FGF14: variants seen among roughly 807,000 people sequenced by gnomAD.
FGF14 encodes fibroblast growth factor homologous factor 4.
A neutral mutation model predicts 25.5 loss-of-function variants in FGF14; 5 were observed. That is an observed-to-expected ratio of 0.20 (90% CI 0.10 to 0.41). The LOEUF (loss-of-function observed/expected upper bound fraction) is 0.41. Among genes scored for constraint, FGF14 ranks in the 10% least tolerant of loss-of-function variants. FGF14 has a pLI of 1.00. For synonymous variants in FGF14, 138 were observed against 118.3 expected (o/e 1.17, Z -1.08); for missense variants, 222 against 320.1 (o/e 0.69, Z 2.34).
At chr13:101,774,400 G>C (rs2038970220) in intron 3 of FGF14, among the ~76,000 whole-genome samples, 1 of 152,164 alleles carries the variant, frequency 6.6e-6, no homozygotes, top group African/African-American at 2.4e-5. Context: ...GAGGCTTAAA[G>C]CCTAGAGCAG....
chr13:102,211,135 AAAGGGAACAACAT>A (rs1011051047), intron 1 of FGF14, among the ~76,000 whole-genome samples: 50 of 152,246 alleles, frequency 3.3e-4, no homozygotes, highest in African/African-American at 1.2e-3. Flanking sequence ...TTATAATGCA[AAAGGGAACAACAT>A]AAAAATCACT....
chr13:102,169,672 C>T (rs959479066), intron 1 of FGF14, among the ~76,000 whole-genome samples: 3 of 151,844 alleles, frequency 2.0e-5, no homozygotes, highest in African/African-American at 7.3e-5. Flanking sequence ...TTTTTTGTTT[C>T]CTGTTAACTG....
At chr13:101,923,141 C>T (rs551275176) in intron 1 of FGF14, among the ~76,000 whole-genome samples, 4 of 152,164 alleles carry the variant, frequency 2.6e-5, no homozygotes, top group Non-Finnish European at 4.4e-5. Context: ...AAAGTATTGG[C>T]ATCTAAGAAT....
At chr13:102,134,625 C>A (rs2046331581) in intron 1 of FGF14, among the ~76,000 whole-genome samples, 1 of 152,096 alleles carries the variant, frequency 6.6e-6, no homozygotes, top group African/African-American at 2.4e-5. Flanking sequence ...GCTTTCCTCT[C>A]AAGTGACAAG....
chr13:102,067,380 A>C (rs147696157), intron 1 of FGF14, among the ~76,000 whole-genome samples: 151 of 152,202 alleles, frequency 9.9e-4, no homozygotes, highest in African/African-American at 3.5e-3. Context: ...AATAATTTAG[A>C]AACATTGATA....
rs2051701377 is a variant in FGF14, at chr13:102,243,411, T to C, written c.208+158060A>G. Among the ~76,000 whole-genome samples the C allele has an allele frequency of 3.9e-5, 6 of 152,172 alleles. 1 individual carries two copies. The South Asian group carries it at 1.2e-3, about 32-fold the overall frequency. On this transcript the variant is annotated intron_variant, in intron 1 of 4. Transcript: ENST00000376131. ...AAAATGTTTTAAAGTCCAAAATAGATTATGTAACTGTATAAACCCAAGTCA... is the reference window on the plus strand; with the variant it reads ...AAAATGTTTTAAAGTCCAAAATAGACTATGTAACTGTATAAACCCAAGTCA...
At chr13:101,976,039 C>T (rs1228716637) in intron 1 of FGF14, among the ~76,000 whole-genome samples, 5 of 152,222 alleles carry the variant, frequency 3.3e-5, no homozygotes, top group African/African-American at 7.2e-5. Flanking sequence ...AACAATGAGC[C>T]TGGGTTATAA....
At chr13:102,354,665 C>T (rs2057374456) in intron 1 of FGF14, among the ~76,000 whole-genome samples, 1 of 152,144 alleles carries the variant, frequency 6.6e-6, no homozygotes. Flanking sequence ...TTTTTTATCT[C>T]CTGAGGCTGT....
At chr13:102,126,530 GAGAACA>G (rs1376295665) in intron 1 of FGF14, among the ~76,000 whole-genome samples, 1 of 152,184 alleles carries the variant, frequency 6.6e-6, no homozygotes, top group African/African-American at 2.4e-5. Context: ...ATCAACACTG[GAGAACA>G]AGTATCTGTT....
At chr13:102,294,762 A>G (rs1295656427) in intron 1 of FGF14, among the ~76,000 whole-genome samples, 3 of 152,126 alleles carry the variant, frequency 2.0e-5, no homozygotes, top group Non-Finnish European at 4.4e-5. Flanking sequence ...TAGTCTATAT[A>G]GTTAGACTGC....
chr13:101,923,007 T>C (rs1220861403), intron 1 of FGF14, among the ~76,000 whole-genome samples: 1 of 152,112 alleles, frequency 6.6e-6, no homozygotes, highest in Non-Finnish European at 1.5e-5. Flanking sequence ...TTGTCAAATT[T>C]AAGAAGCTGT....
At chr13:102,142,523 T>C (rs769707296) in intron 1 of FGF14, among the ~76,000 whole-genome samples, 6 of 152,288 alleles carry the variant, frequency 3.9e-5, no homozygotes, top group Non-Finnish European at 7.4e-5. Context: ...CTTGATTTGT[T>C]TTCAGGGTTA....
chr13:101,764,144 G>A (rs2038229754), intron 3 of FGF14, among the ~76,000 whole-genome samples: 1 of 152,116 alleles, frequency 6.6e-6, no homozygotes, highest in South Asian at 2.1e-4. Flanking sequence ...GAAATAAAAA[G>A]CACGGTAAAT....
At chr13:102,343,448 A>T (rs2057013608) in intron 1 of FGF14, among the ~76,000 whole-genome samples, 1 of 152,210 alleles carries the variant, frequency 6.6e-6, no homozygotes, top group African/African-American at 2.4e-5. Flanking sequence ...TTTCTAGGGC[A>T]GTTGTTGCAA....
chr13:102,284,409 T>G (rs1412879743), intron 1 of FGF14, among the ~76,000 whole-genome samples: 1 of 152,128 alleles, frequency 6.6e-6, no homozygotes, highest in Non-Finnish European at 1.5e-5. Flanking sequence ...AAAGTCTTAA[T>G]GAAAAAATTC....
rs373593019 is a variant in FGF14, at chr13:102,148,721, G to A, written c.208+252750C>T. 1.1e-4 allele frequency among the ~76,000 whole-genome samples: 17 copies of A among 152,178 alleles called. No homozygotes were observed. In the East Asian group the frequency reaches 3.3e-3, roughly 29 times the overall value. On this transcript the variant is annotated intron_variant, in intron 1 of 4. Coordinates refer to the FGF14 transcript ENST00000376131. The stretch of plus-strand genomic sequence containing the variant: ...CTACTCAGGAGCTTGAACCCAGGAG[G>A]TGGACGTTGCAGTGAGCCGAGATCG...
chr13:102,172,321 G>C (rs962321652), intron 1 of FGF14, among the ~76,000 whole-genome samples: 1 of 152,022 alleles, frequency 6.6e-6, no homozygotes, highest in Non-Finnish European at 1.5e-5. Flanking sequence ...AATTTTATTA[G>C]CATGCCAATG....
intron 1 of FGF14, chr13:102,292,236 C>T (rs1223569453): frequency 2.3e-5 from 3 of 132,828 alleles, no homozygotes; most frequent in Non-Finnish European, 4.6e-5. Context: ...GAGAGGATGT[C>T]TCATTTTACC....
At chr13:101,900,265 T>TG (rs2031349901) in intron 1 of FGF14, among the ~76,000 whole-genome samples, 1 of 152,146 alleles carries the variant, frequency 6.6e-6, no homozygotes, top group African/African-American at 2.4e-5. Context: ...GCTTACAATT[T>TG]ATACTTGCAC....
Sources: allele counts gnomAD v4.1 joint callset (sites outside exome capture counted in the v4.1 genomes callset), GRCh38; gene constraint gnomAD v4.1.1; transcripts MANE v1.5; gene names NCBI Gene and HGNC (gene_info 2026-07-23, HGNC 2026-07-21).